The following C17orf67 variants were observed in gnomAD, a reference collection of about 807,000 sequenced individuals.
The protein encoded by C17orf67 is uncharacterized protein C17orf67.
A neutral mutation model predicts 11.2 loss-of-function variants in C17orf67; 12 were observed. The ratio of observed to expected loss-of-function variants is 1.07; its 90% confidence interval spans 0.68 to 1.73. The LOEUF (loss-of-function observed/expected upper bound fraction) is 1.73, where lower values mean the gene tolerates loss of function less well. C17orf67 is among the 40% of genes most tolerant of loss of function. The pLI, the probability that C17orf67 is intolerant of heterozygous loss-of-function variation, is 0.00. For synonymous variants in C17orf67, 59 were observed against 46.9 expected (o/e 1.26, Z -1.05); for missense variants, 115 against 113.5 (o/e 1.01, Z -0.06).
chr17:56,814,831 T>C (rs1905717292), intron 6 of C17orf67, 38 bp downstream of exon 6: 7 of 1,582,800 alleles, frequency 4.4e-6, no homozygotes, highest in South Asian at 3.3e-5. Context: ...ATTCAAATGA[T>C]CACATTTTCT....
intron 6 of C17orf67, chr17:56,804,154 G>C (rs1453399041): frequency 1.3e-5 from 2 of 152,132 alleles, no homozygotes; most frequent in African/African-American, 2.4e-5. Context: ...CAACTATAAT[G>C]ATTTAAGTAA....
chr17:56,794,992 T>C (rs1376048872), intron 7 of C17orf67, 52 bp downstream of exon 7: 2 of 1,319,312 alleles, frequency 1.5e-6, no homozygotes, highest in Middle Eastern at 1.9e-4. Flanking sequence ...CATGCCATGC[T>C]GTCCCCCACC....
At chr17:56,803,861 TTA>T (rs535242802) in intron 6 of C17orf67, 1 of 152,178 alleles carries the variant, frequency 6.6e-6, no homozygotes, top group South Asian at 2.1e-4. Flanking sequence ...ATTTCACTAT[TTA>T]TTTAAAATAT....
intron 6 of C17orf67, among the ~76,000 whole-genome samples, chr17:56,805,784 A>C (rs140745075): frequency 1.3e-4 from 20 of 152,308 alleles, no homozygotes; most frequent in African/African-American, 4.6e-4. Flanking sequence ...ACTATCTAAC[A>C]AAAGAGGATA....
chr17:56,811,926 GT>G (rs1905638289), intron 6 of C17orf67, among the ~76,000 whole-genome samples: 1 of 152,222 alleles, frequency 6.6e-6, no homozygotes, highest in Admixed American at 6.5e-5. Context: ...TAGCCCAGTG[GT>G]TCTCAGCCTC....
Position 56,792,629 on chromosome 17 carries a change from A to ACAG in C17orf67, c.*21-278_*21-277insCTG, listed in dbSNP as rs1491386949. Reference sequence around the variant, plus strand: ...TATGGTGGTGGTGGTGATAATGGTGATGTGGTGGTGGTGGTGATGGTGCTG... The same window carrying ACAG: ...TATGGTGGTGGTGGTGATAATGGTGACAGTGTGGTGGTGGTGGTGATGGTGCTG... On this transcript the variant is annotated intron_variant, in intron 7 of 7. Coordinates refer to ENST00000397861, the MANE Select transcript of C17orf67 (RefSeq NM_001085430.4). Among the ~76,000 whole-genome samples the ACAG allele has an allele frequency of 1.7e-3, 75 of 44,228 alleles. 12 individuals are homozygous for ACAG. The highest frequency in any genetic ancestry group is 3.1e-3 in the Non-Finnish European group (59 of 18,966). 29.0% of individuals were successfully genotyped at this position (44,228 alleles called of 152,430 possible).
intron 4 of C17orf67, among the ~76,000 whole-genome samples, chr17:56,816,226 C>T (rs1041306842): frequency 7.9e-5 from 12 of 152,156 alleles, no homozygotes; most frequent in African/African-American, 2.4e-4. Flanking sequence ...AGCCCATTCA[C>T]CAGTCTAATT....
intron 6 of C17orf67, among the ~76,000 whole-genome samples, chr17:56,800,058 A>ATTTTTTTTT (rs772880968): frequency 6.2e-5 from 6 of 96,280 alleles, no homozygotes; most frequent in Non-Finnish European, 1.2e-4. Flanking sequence ...TTGCAAACTA[A>ATTTTTTTTT]TTTTTTTTTT....
intron 6 of C17orf67, among the ~76,000 whole-genome samples, chr17:56,800,511 C>A (rs1276615596): frequency 6.6e-6 from 1 of 152,192 alleles, no homozygotes; most frequent in Non-Finnish European, 1.5e-5. Context: ...TCCTGAGCCT[C>A]TTCTCTCACC....
intron 5 of C17orf67, 78 bp from the exon 6 acceptor site, chr17:56,815,047 G>T (rs910798583): frequency 4.1e-6 from 5 of 1,222,972 alleles, no homozygotes; most frequent in Non-Finnish European, 6.0e-6. Context: ...CAAGGCAAAA[G>T]ATTTGCAAGT....
At chr17:56,824,293 G>C (rs570692089) in intron 4 of C17orf67, among the ~76,000 whole-genome samples, 2 of 152,176 alleles carry the variant, frequency 1.3e-5, no homozygotes, top group East Asian at 3.8e-4. Flanking sequence ...TCAGCTTTTT[G>C]TTCATGTTAT....
intron 6 of C17orf67, among the ~76,000 whole-genome samples, chr17:56,805,843 A>G (rs1905433470): frequency 6.6e-6 from 1 of 152,160 alleles, no homozygotes; most frequent in South Asian, 2.1e-4. Flanking sequence ...TGTGTATGTT[A>G]ATATTAAGGG....
chr17:56,809,659 G>A (rs1597992408), intron 6 of C17orf67, among the ~76,000 whole-genome samples: 1 of 109,358 alleles, frequency 9.1e-6, no homozygotes, highest in East Asian at 3.0e-4. Flanking sequence ...ACCCCTCACA[G>A]ACTGCTCACA....
At chr17:56,831,629 C>G (rs902327189) in intron 2 of C17orf67, among the ~76,000 whole-genome samples, 1 of 152,134 alleles carries the variant, frequency 6.6e-6, no homozygotes, top group Non-Finnish European at 1.5e-5. Flanking sequence ...GACCAGAACC[C>G]TCCTCAGGTC....
intron 4 of C17orf67, among the ~76,000 whole-genome samples, chr17:56,821,487 G>C (rs895771162): frequency 6.6e-6 from 1 of 152,122 alleles, no homozygotes; most frequent in Non-Finnish European, 1.5e-5. Flanking sequence ...TATGGGTCTA[G>C]ATCCTTCCAT....
In C17orf67 at chr17:56,833,804, G is replaced by A. The variant is rs1906346009; in HGVS notation, c.-1188C>T. The A allele has an allele frequency of 6.6e-6, 1 of 150,772 alleles. No individual in the cohort carries two copies. The highest frequency in any genetic ancestry group is 6.6e-5 in the Admixed American group (1 of 15,192). The allele number at this position is 150,772 out of a possible 1,614,324, so 9.3% of individuals were successfully genotyped here. On this transcript the variant is annotated 5_prime_UTR_variant, in exon 1 of 8. Coordinates refer to ENST00000397861, the MANE Select transcript of C17orf67 (RefSeq NM_001085430.4). ...GCGGCCCCTGGGCCCCGCGCGGCGC[G>A]GTGCTGCGAGGAGGATCCTCGTGGC...
intron 2 of C17orf67, among the ~76,000 whole-genome samples, chr17:56,827,750 G>A (rs1359674153): frequency 3.9e-5 from 6 of 152,228 alleles, no homozygotes; most frequent in South Asian, 4.1e-4. Context: ...GCCTCCATGG[G>A]AAGACACTGG....
chr17:56,810,138 C>T (rs1459952196), intron 6 of C17orf67, among the ~76,000 whole-genome samples: 3 of 97,470 alleles, frequency 3.1e-5, no homozygotes, highest in Non-Finnish European at 6.6e-5. Context: ...GCACAGACCC[C>T]TCACGCACAC....
At chr17:56,802,782 G>A (rs17822439) in intron 6 of C17orf67, among the ~76,000 whole-genome samples, 18,136 of 152,276 alleles carry the variant, frequency 0.12, 1,171 homozygotes, top group South Asian at 0.16. Context: ...GAAACTTTCC[G>A]TAAAGGCTTG....
Sources: gnomAD v4.1 joint callset for allele counts (sites outside exome capture counted in the v4.1 genomes callset) on GRCh38, gnomAD v4.1.1 for gene constraint, MANE v1.5 for transcripts, NCBI Gene and HGNC (gene_info 2026-07-23, HGNC 2026-07-21) for gene names.